PZP: variants seen among roughly 807,000 people sequenced by gnomAD.
PZP encodes the protein pregnancy zone protein.
PZP carries 150 observed loss-of-function variants against 179.8 expected under a neutral mutation model. That is an observed-to-expected ratio of 0.83 (90% confidence interval 0.73 to 0.96). The LOEUF (loss-of-function observed/expected upper bound fraction) is 0.96, where lower values mean the gene tolerates loss of function less well. PZP is among the 40% of genes least tolerant of loss of function. PZP has a pLI of 0.00. For synonymous variants in PZP, 624 were observed against 652.3 expected, an observed-to-expected ratio of 0.96 and a Z score of 0.66; for missense variants, 1,689 against 1,764.0, an observed-to-expected ratio of 0.96 and a Z score of 0.76.
chr12:9,198,258 A>G (rs74500107), intron 7 of PZP, among the ~76,000 whole-genome samples: 1,575 of 152,030 alleles, frequency 0.01, 25 homozygotes, highest in African/African-American at 0.036. Context: ...AGGTTTAGGC[A>G]GGAGATTCAC....
chr12:9,169,286 T>A lies in PZP; in HGVS notation c.2001+144A>T, dbSNP rs558026952. ...TTTGTGTGATCCTCACAAGAGACTT[T>A]AACCTTTTTATTGGCTTCATTTTTG... On this transcript the variant is annotated intron_variant, in intron 16 of 35. Transcript: ENST00000261336. 1.8e-5 allele frequency: 15 copies of A among 841,608 alleles called. No individual in the cohort carries two copies. The South Asian group carries it at 3.2e-4, about 18-fold the overall frequency. 52.1% of individuals were successfully genotyped at this position (841,608 alleles called of 1,614,324 possible).
intron 18 of PZP, among the ~76,000 whole-genome samples, chr12:9,165,754 C>T (rs1941538885): frequency 6.6e-6 from 1 of 152,148 alleles, no homozygotes; most frequent in Non-Finnish European, 1.5e-5. Flanking sequence ...TGCTCCAGCC[C>T]TGATATTTAC....
At chr12:9,183,098 A>G (rs2120988430) in intron 13 of PZP, among the ~76,000 whole-genome samples, 1 of 152,320 alleles carries the variant, frequency 6.6e-6, no homozygotes, top group African/African-American at 2.4e-5. Flanking sequence ...AAGAACTATA[A>G]TTGATTTTAT....
intron 10 of PZP, among the ~76,000 whole-genome samples, chr12:9,195,425 TCTTTTC>T (rs1336221882): frequency 6.6e-6 from 1 of 150,720 alleles, no homozygotes; most frequent in Non-Finnish European, 1.5e-5. Context: ...CCTTTTTCCT[TCTTTTC>T]CTTTTCCTTC....
intron 2 of PZP, 88 bp downstream of exon 2, chr12:9,203,680 A>T (rs1944302721): frequency 1.4e-6 from 2 of 1,464,494 alleles, no homozygotes; most frequent in Non-Finnish European, 1.9e-6. Context: ...ATACCTTGGG[A>T]TCGCACACCA....
At chr12:9,193,249 T>C (rs1371995844) in intron 11 of PZP, among the ~76,000 whole-genome samples, 3 of 152,224 alleles carry the variant, frequency 2.0e-5, no homozygotes, top group Non-Finnish European at 2.9e-5. Flanking sequence ...TTGCAGATAA[T>C]GTTTTGCGCA....
chr12:9,198,388 ATTC>A (rs1300652099), intron 7 of PZP, among the ~76,000 whole-genome samples: 1 of 152,168 alleles, frequency 6.6e-6, no homozygotes, highest in Admixed American at 6.6e-5. Context: ...ATTTTCTATC[ATTC>A]TTCTTTATTT....
chr12:9,207,357 C>T (rs1163080819), intron 1 of PZP, among the ~76,000 whole-genome samples: 1 of 152,208 alleles, frequency 6.6e-6, no homozygotes, highest in Non-Finnish European at 1.5e-5. Flanking sequence ...CAAGAGTTCT[C>T]ACCATTCTCT....
In PZP at chr12:9,197,122, A is replaced by T. The variant is rs140440443; in HGVS notation, c.757T>A (p.Tyr253Asn). Residue 253 changes from tyrosine (Y) to asparagine (N), a missense_variant and splice_region_variant, in exon 8 of 36, where the codon TAC becomes AAC. Coordinates refer to ENST00000261336, the MANE Select transcript of PZP (RefSeq NM_002864.3). The part of the protein sequence containing the change: ...EKVNITVCGE[Y>N]TYGKPVPGLA... ...CCTGGGACAGGCTTCCCATAAGTGT[A>T]TCTGGTACATGAGAAATAAATCAGG... 1.1e-5 allele frequency: 18 copies of T among 1,590,202 alleles called. No homozygotes were observed. The African/African-American group carries it at 2.2e-4, about 19-fold the overall frequency.
chr12:9,139,509 C>G, the PZP span, among the ~76,000 whole-genome samples: 72 of 152,238 alleles, frequency 4.7e-4, 2 homozygotes, highest in African/African-American at 1.6e-3. Context: ...AATGATGTAT[C>G]CATTATTGCA....
Position 9,168,819 on chromosome 12 carries a change from A to G in PZP, c.2107+50T>C, listed in dbSNP as rs762545086. ...TACCTCATTTTAGCATTTTGGGCAT[A>G]GTAATATTGTTGGACATGAAATAAA... On this transcript the variant is annotated intron_variant, in intron 17 of 35. Transcript: ENST00000261336. The G allele has an allele frequency of 1.2e-5, 16 of 1,376,320 alleles. No homozygotes were observed. In the South Asian group the frequency reaches 1.4e-4, roughly 12 times the overall value. The allele number at this position is 1,376,320 out of a possible 1,614,324, so 85.3% of individuals were successfully genotyped here. A position where few individuals can be genotyped will look rare whatever the true frequency, so the allele number is the denominator to read the frequency against.
At chr12:9,199,801 G>A (rs1171244103) in intron 7 of PZP, among the ~76,000 whole-genome samples, 2 of 152,148 alleles carry the variant, frequency 1.3e-5, no homozygotes, top group African/African-American at 4.8e-5. Context: ...AAAAATAGGT[G>A]ATAGGTACAT....
intron 13 of PZP, among the ~76,000 whole-genome samples, chr12:9,186,663 A>C (rs1202160763): frequency 6.6e-6 from 1 of 152,142 alleles, no homozygotes; most frequent in Non-Finnish European, 1.5e-5. Flanking sequence ...ATGGAATACT[A>C]TGCAGCCATA....
At chr12:9,173,614 C>A (rs2120867509) in intron 15 of PZP, among the ~76,000 whole-genome samples, 1 of 152,156 alleles carries the variant, frequency 6.6e-6, no homozygotes, top group African/African-American at 2.4e-5. Flanking sequence ...AGAAAAGAAT[C>A]AAGTAGACAC....
intron 23 of PZP, 68 bp from the exon 24 acceptor site, chr12:9,160,558 A>C: frequency 7.0e-7 from 1 of 1,437,606 alleles, no homozygotes. Flanking sequence ...TATTAACAAA[A>C]ATGGCCTTTA....
In PZP at chr12:9,160,502, G is replaced by A; in HGVS notation, c.2873-12C>T. 1 of 1,605,974 alleles carries A rather than the reference G, an allele frequency of 6.2e-7. No homozygotes were observed. The highest frequency in any genetic ancestry group is 1.1e-5 in the South Asian group (1 of 89,388). On this transcript the variant is annotated splice_polypyrimidine_tract_variant and intron_variant, in intron 23 of 35. Coordinates refer to ENST00000261336, the MANE Select transcript of PZP (RefSeq NM_002864.3). ...ACCTAATATGTCACCTGGGGAATGTGAAAGATTAGATGTCAGAATAATTTC... is the reference window on the plus strand; with the variant it reads ...ACCTAATATGTCACCTGGGGAATGTAAAAGATTAGATGTCAGAATAATTTC...
intron 17 of PZP, among the ~76,000 whole-genome samples, chr12:9,168,121 A>T (rs976523628): frequency 1.3e-5 from 2 of 152,202 alleles, no homozygotes; most frequent in African/African-American, 2.4e-5. Flanking sequence ...GTGTTGGTGC[A>T]TTATATTTAG....
At chr12:9,172,593 T>C (rs1942074311) in intron 15 of PZP, among the ~76,000 whole-genome samples, 1 of 152,110 alleles carries the variant, frequency 6.6e-6, no homozygotes, top group Non-Finnish European at 1.5e-5. Context: ...AAGAGACTCA[T>C]CTCACACGCA....
chr12:9,184,761 CA>C (rs1359509739), intron 13 of PZP, among the ~76,000 whole-genome samples: 2 of 152,176 alleles, frequency 1.3e-5, no homozygotes, highest in African/African-American at 4.8e-5. Flanking sequence ...AGCCAGATAC[CA>C]GTTCCCCAGA....
Sources: gnomAD v4.1 joint callset for allele counts (sites outside exome capture counted in the v4.1 genomes callset) on GRCh38, gnomAD v4.1.1 for gene constraint, MANE v1.5 for transcripts, NCBI Gene and HGNC (gene_info 2026-07-23, HGNC 2026-07-21) for gene names.